The following CTNNA3 variants were observed in gnomAD, a reference collection of about 807,000 sequenced individuals.
CTNNA3 encodes the protein catenin alpha 3.
A neutral mutation model predicts 95.7 loss-of-function variants in CTNNA3; 76 were observed. The ratio of observed to expected loss-of-function variants is 0.79; its 90% CI spans 0.66 to 0.96. CTNNA3 has a LOEUF of 0.96. CTNNA3 is among the 40% of genes least tolerant of loss of function. CTNNA3 has a pLI of 0.00. For missense variants in CTNNA3, 1,191 were observed against 1,089.8 expected (o/e 1.09, Z -1.31); for synonymous variants, 431 against 374.4 (o/e 1.15, Z -1.74).
At chr10:66,997,206 A>G (rs1368851229) in intron 7 of CTNNA3, among the ~76,000 whole-genome samples, 1 of 152,154 alleles carries the variant, frequency 6.6e-6, no homozygotes, top group African/African-American at 2.4e-5. Context: ...TCAGAGGCCT[A>G]ATTTTCCATA....
In CTNNA3 at chr10:67,018,777, G is replaced by A. The variant is rs192917190; in HGVS notation, c.1047+161540C>T. On this transcript the variant is annotated intron_variant, in intron 7 of 17. Transcript: ENST00000433211. ...GATTAAAGGAGTTAATTTGAGCAAC[G>A]CACTTAAAACAGTTCATGGAAGGTG... is the stretch of plus-strand genomic sequence containing the variant. 1.1e-3 allele frequency among the ~76,000 whole-genome samples: 169 copies of A among 152,316 alleles called. 1 individual carries two copies. Among genetic ancestry groups the A allele is most frequent in the Middle Eastern group, 3.4e-3 (1 of 294 alleles).
At chr10:67,379,759 C>T (rs1395887213) in intron 5 of CTNNA3, among the ~76,000 whole-genome samples, 4 of 152,126 alleles carry the variant, frequency 2.6e-5, no homozygotes, top group East Asian at 1.9e-4. Flanking sequence ...CGGTGGCTCA[C>T]GCCTGTAATC....
intron 9 of CTNNA3, among the ~76,000 whole-genome samples, chr10:66,738,524 A>C (rs556410226): frequency 6.6e-6 from 1 of 152,342 alleles, no homozygotes; most frequent in South Asian, 2.1e-4. Context: ...CATTCTAGAA[A>C]AAATATGTTT....
chr10:67,244,084 T>A lies in CTNNA3; in HGVS notation c.580-24214A>T, dbSNP rs566534581. On this transcript the variant is annotated intron_variant, in intron 5 of 17. Transcript: ENST00000433211. ...CCATGAAATAAAAATTGCACTTTTGTAAAAGGAAATCACAACTGCAAAAAA... is the reference window on the plus strand; with the variant it reads ...CCATGAAATAAAAATTGCACTTTTGAAAAAGGAAATCACAACTGCAAAAAA... Among the ~76,000 whole-genome samples the A allele has an allele frequency of 8.4e-4, 128 of 152,348 alleles. 1 individual carries two copies. Among genetic ancestry groups the A allele is most frequent in the African/African-American group, 3.1e-3 (127 of 41,576 alleles).
chr10:66,632,474 G>C (rs1355087533), intron 9 of CTNNA3, among the ~76,000 whole-genome samples: 3 of 148,070 alleles, frequency 2.0e-5, no homozygotes, highest in African/African-American at 7.5e-5. Flanking sequence ...AGAATCGCTT[G>C]AACCTGGGAG....
intron 12 of CTNNA3, among the ~76,000 whole-genome samples, chr10:66,324,011 A>G (rs1324733576): frequency 6.6e-6 from 1 of 151,862 alleles, no homozygotes; most frequent in African/African-American, 2.4e-5. Context: ...CTGGCTCCCC[A>G]TCCATTCCAC....
intron 11 of CTNNA3, among the ~76,000 whole-genome samples, chr10:66,494,553 T>C (rs1045307085): frequency 2.6e-5 from 4 of 152,164 alleles, no homozygotes; most frequent in Non-Finnish European, 5.9e-5. Context: ...AGTATGACAT[T>C]GGGTAATAGG....
chr10:67,343,861 C>A (rs1321153039), intron 5 of CTNNA3, among the ~76,000 whole-genome samples: 2 of 150,520 alleles, frequency 1.3e-5, no homozygotes, highest in Admixed American at 6.6e-5. Flanking sequence ...AATTTTTTCT[C>A]CATTCTATAT....
chr10:66,346,868 T>C (rs2092525717), intron 12 of CTNNA3, among the ~76,000 whole-genome samples: 1 of 151,916 alleles, frequency 6.6e-6, no homozygotes, highest in African/African-American at 2.4e-5. Context: ...GCATCTAGAC[T>C]TGAGTGGAAA....
intron 5 of CTNNA3, among the ~76,000 whole-genome samples, chr10:67,268,308 A>ATATAT (rs1866910116): frequency 1.6e-5 from 2 of 126,880 alleles, no homozygotes; most frequent in Non-Finnish European, 3.2e-5. Context: ...CTCTACAAAA[A>ATATAT]TAAATTAAAT....
At chr10:67,561,967 C>T (rs1033674694) in intron 3 of CTNNA3, among the ~76,000 whole-genome samples, 2 of 152,090 alleles carry the variant, frequency 1.3e-5, no homozygotes, top group African/African-American at 4.8e-5. Context: ...AATAGACCAA[C>T]AACAGGATCT....
At chr10:66,408,078 G>A (rs190012357) in intron 11 of CTNNA3, among the ~76,000 whole-genome samples, 1 of 152,254 alleles carries the variant, frequency 6.6e-6, no homozygotes, top group East Asian at 1.9e-4. Flanking sequence ...TACACTTGAA[G>A]TCATCTCTAA....
chr10:67,432,592 T>C (rs1288452679), intron 5 of CTNNA3, among the ~76,000 whole-genome samples: 1 of 152,060 alleles, frequency 6.6e-6, no homozygotes, highest in East Asian at 1.9e-4. Flanking sequence ...CTCCTCTATG[T>C]GCCTGTGCCA....
At chr10:67,477,215 T>C (rs1848048949) in intron 5 of CTNNA3, among the ~76,000 whole-genome samples, 2 of 151,574 alleles carry the variant, frequency 1.3e-5, no homozygotes, top group Admixed American at 6.6e-5. Context: ...TCCAAGGAGG[T>C]TTCCATCTCA....
intron 9 of CTNNA3, among the ~76,000 whole-genome samples, chr10:66,693,589 C>G (rs1031852678): frequency 1.3e-5 from 2 of 151,896 alleles, no homozygotes; most frequent in African/African-American, 2.4e-5. Context: ...AGGAATTGAA[C>G]TCAGTTCTGC....
chr10:67,262,624 G>GA (rs1554815322), intron 5 of CTNNA3, among the ~76,000 whole-genome samples: 1 of 152,074 alleles, frequency 6.6e-6, no homozygotes, highest in Admixed American at 6.6e-5. Context: ...GCTTTAAACA[G>GA]TTTTTTTAAA....
At chr10:66,149,935 A>C (rs549027549) in intron 13 of CTNNA3, among the ~76,000 whole-genome samples, 1 of 152,078 alleles carries the variant, frequency 6.6e-6, no homozygotes, top group Non-Finnish European at 1.5e-5. Context: ...CACTTCAATA[A>C]AAGTTTTTCT....
intron 15 of CTNNA3, among the ~76,000 whole-genome samples, chr10:66,041,693 C>T (rs578027958): frequency 1.9e-3 from 292 of 152,230 alleles, no homozygotes; most frequent in Middle Eastern, 6.8e-3. Flanking sequence ...CTCTCTCACT[C>T]CCCACATCAA....
At chr10:67,094,121 A>G (rs1205620118) in intron 7 of CTNNA3, among the ~76,000 whole-genome samples, 1 of 152,022 alleles carries the variant, frequency 6.6e-6, no homozygotes, top group Admixed American at 6.6e-5. Context: ...TACAAACAAT[A>G]TATGTAATAT....
Sources: gnomAD v4.1 joint callset for allele counts (sites outside exome capture counted in the v4.1 genomes callset) on GRCh38, gnomAD v4.1.1 for gene constraint, MANE v1.5 for transcripts, NCBI Gene and HGNC (gene_info 2026-07-23, HGNC 2026-07-21) for gene names.